Variants in TCHP observed in about 807,000 individuals in gnomAD.
TCHP encodes trichoplein keratin filament-binding protein.
In TCHP, 81 loss-of-function variants were observed where a neutral mutation model predicts 88.7. The ratio of observed to expected loss-of-function variants is 0.91; its 90% CI spans 0.76 to 1.10. TCHP has a LOEUF of 1.10. Ranked by LOEUF, TCHP falls within the 50% of genes least tolerant of loss-of-function variation. The pLI is 0.00. For synonymous variants in TCHP, 232 were observed against 232.5 expected, an observed-to-expected ratio of 1.00 and a Z score of 0.02; for missense variants, 641 against 632.1, an observed-to-expected ratio of 1.01 and a Z score of -0.15.
chr12:109,911,135 C>T lies in TCHP; in HGVS notation c.952C>T (p.Arg318Trp), dbSNP rs772214990. The change falls in exon 9 of 13, where the codon CGG becomes TGG. Residue 318 changes from arginine to tryptophan, a missense_variant. By Grantham distance (101) the Arg-to-Trp change is moderately radical. Coordinates refer to ENST00000405876, the MANE Select transcript of TCHP (RefSeq NM_001143852.2). ...GAGCCAGCGCCTCCACCTGGCCAGGCGGGAGCAGGTCATGGCCGATGTGGC... is the reference window on the plus strand; with the variant it reads ...GAGCCAGCGCCTCCACCTGGCCAGGTGGGAGCAGGTCATGGCCGATGTGGC... ...DESQRLHLAR[R>W]EQVMADVAWM... 2.2e-5 allele frequency: 35 copies of T among 1,597,168 alleles called. No homozygotes were observed. The highest frequency in any genetic ancestry group is 6.8e-5 in the East Asian group (3 of 44,222).
chr12:109,893,722 C>T, the TCHP span, among the ~76,000 whole-genome samples: 4 of 151,960 alleles, frequency 2.6e-5, no homozygotes, highest in Non-Finnish European at 4.4e-5. Flanking sequence ...GTGTGTTGGT[C>T]GAGTGAAACA....
chr12:109,897,857 C>T (rs916955908), upstream of TCHP, among the ~76,000 whole-genome samples: 2 of 152,174 alleles, frequency 1.3e-5, no homozygotes, highest in Admixed American at 1.3e-4. Context: ...CACGCCTGGT[C>T]CAATTCATGT....
At chr12:109,902,933 AG>A (rs1869884889) in intron 1 of TCHP, 93 bp from the exon 2 acceptor site, 2 of 955,374 alleles carry the variant, frequency 2.1e-6, no homozygotes, top group Non-Finnish European at 3.1e-6. Context: ...TGTGCAGCCA[AG>A]GGGTGGTGAC....
chr12:109,881,215 G>A, the TCHP span, among the ~76,000 whole-genome samples: 703 of 152,258 alleles, frequency 4.6e-3, 5 homozygotes, highest in Middle Eastern at 0.01. Flanking sequence ...GAATGTAAAC[G>A]GCTTTGCAAC....
At chr12:109,913,462 C>T (rs1471210793) in intron 10 of TCHP, among the ~76,000 whole-genome samples, 2 of 152,288 alleles carry the variant, frequency 1.3e-5, no homozygotes, top group African/African-American at 2.4e-5. Flanking sequence ...CTCTGTCACC[C>T]GCTGCCTTTC....
chr12:109,900,903 C>T lies in TCHP; in HGVS notation c.-1+477C>T, dbSNP rs1313824660. The T allele has an allele frequency of 2.0e-5, 3 of 152,278 alleles. No homozygotes were observed. The South Asian group carries it at 6.2e-4, about 32-fold the overall frequency. The allele number at this position is 152,278 out of a possible 1,614,324, so 9.4% of individuals were successfully genotyped here. On this transcript the variant is annotated intron_variant, in intron 1 of 12. Transcript: ENST00000405876. ...CATTCAGCCGGCGTTCCTACCCAGGCACTGCATCGACCCTACACTTGAGGA... is the reference window on the plus strand; with the variant it reads ...CATTCAGCCGGCGTTCCTACCCAGGTACTGCATCGACCCTACACTTGAGGA...
At chr12:109,914,278 T>G (rs1870668475) in intron 10 of TCHP, 164 bp from the exon 11 acceptor site, 1 of 586,846 alleles carries the variant, frequency 1.7e-6, no homozygotes, top group Non-Finnish European at 3.0e-6. Context: ...GTGGCCGACA[T>G]CGTGAGAGCA....
At chr12:109,913,676 GGGA>G (rs1404924551) in intron 10 of TCHP, among the ~76,000 whole-genome samples, 1 of 152,228 alleles carries the variant, frequency 6.6e-6, no homozygotes, top group African/African-American at 2.4e-5. Context: ...AGAGAAATCT[GGGA>G]GGAGAAGAGA....
the TCHP span, among the ~76,000 whole-genome samples, chr12:109,893,059 C>T: frequency 1.3e-5 from 2 of 152,278 alleles, no homozygotes; most frequent in Admixed American, 1.3e-4. Flanking sequence ...GGGTGAGCTT[C>T]AGCAAGCTGG....
intron 9 of TCHP, 48 bp from the exon 10 acceptor site, chr12:109,912,943 T>A (rs372360618): frequency 1.3e-6 from 2 of 1,564,814 alleles, no homozygotes; most frequent in Non-Finnish European, 1.8e-6. Context: ...GCTCGCTTCC[T>A]GCCAGGGCGG....
At chr12:109,916,443 T>C in intron 12 of TCHP, 148 bp from the exon 13 acceptor site, 1 of 795,402 alleles carries the variant, frequency 1.3e-6, no homozygotes, top group Admixed American at 2.7e-5. Flanking sequence ...ATCAAGTGCC[T>C]CATTTATGGC....
chr12:109,915,279 C>T (rs1870744257), intron 11 of TCHP, 124 bp from the exon 12 acceptor site: 1 of 1,316,446 alleles, frequency 7.6e-7, no homozygotes, highest in Admixed American at 1.7e-5. Context: ...TTGGCACGTG[C>T]ATTGCTGTTG....
chr12:109,912,212 C>T (rs1209755088), intron 9 of TCHP, among the ~76,000 whole-genome samples: 1 of 152,248 alleles, frequency 6.6e-6, no homozygotes, highest in Non-Finnish European at 1.5e-5. Context: ...ACATTGAGCA[C>T]TTACTGCATG....
In TCHP at chr12:109,918,044, T is replaced by G. The variant is rs1220659021; in HGVS notation, c.*1421T>G. ...CCCCATTTCAGATGTCCAGTAATGG[T>G]GAAATAAAATCCTGCTTCGACAGCA... is the stretch of plus-strand genomic sequence containing the variant. On this transcript the variant is annotated 3_prime_UTR_variant, in exon 13 of 13. Transcript: ENST00000405876. 6.6e-6 allele frequency: 1 copy of G among 152,180 alleles called. No individual in the cohort carries two copies. The highest frequency in any genetic ancestry group is 1.5e-5 in the Non-Finnish European group (1 of 68,032). The allele number at this position is 152,180 out of a possible 1,614,324, so 9.4% of individuals were successfully genotyped here. A position where few individuals can be genotyped will look rare whatever the true frequency, so the allele number is the denominator to read the frequency against.
chr12:109,914,010 C>T (rs755746934), intron 10 of TCHP, among the ~76,000 whole-genome samples: 5 of 152,176 alleles, frequency 3.3e-5, no homozygotes, highest in Non-Finnish European at 7.3e-5. Flanking sequence ...TCAAACACAG[C>T]AGGTTCAAAA....
chr12:109,891,724 G>A, the TCHP span, among the ~76,000 whole-genome samples: 1 of 150,098 alleles, frequency 6.7e-6, no homozygotes. Flanking sequence ...TTTTTTTTGA[G>A]ACGAAGTTTT....
intron 4 of TCHP, 59 bp downstream of exon 4, chr12:109,904,852 CT>C (rs888208746): frequency 4.6e-3 from 6,049 of 1,310,368 alleles, no homozygotes; most frequent in South Asian, 6.1e-3. Context: ...TTTCCAGACA[CT>C]TTTTTTTTTG....
chr12:109,899,458 T>C (rs1319814802), upstream of TCHP, among the ~76,000 whole-genome samples: 1 of 151,988 alleles, frequency 6.6e-6, no homozygotes, highest in Non-Finnish European at 1.5e-5. Context: ...ACCAATATGG[T>C]GAAACCCCAT....
chr12:109,912,348 C>T (rs1870553394), intron 9 of TCHP, among the ~76,000 whole-genome samples: 1 of 152,304 alleles, frequency 6.6e-6, no homozygotes, highest in South Asian at 2.1e-4. Flanking sequence ...ATCAGTGACA[C>T]AGGCATGCGG....
Sources: gnomAD v4.1 joint callset for allele counts (sites outside exome capture counted in the v4.1 genomes callset) on GRCh38, gnomAD v4.1.1 for gene constraint, MANE v1.5 for transcripts, NCBI Gene and HGNC (gene_info 2026-07-23, HGNC 2026-07-21) for gene names.